CDH4: variants seen among roughly 807,000 people sequenced by gnomAD.
The protein encoded by CDH4 is cadherin-4.
Under a neutral mutation model 86.0 loss-of-function variants are expected in CDH4, and 33 were observed. That is an observed-to-expected ratio of 0.38 (90% CI 0.29 to 0.51). CDH4 has a LOEUF of 0.51. Ranked by LOEUF, CDH4 falls within the 20% of genes least tolerant of loss-of-function variation. The pLI, the probability that CDH4 is intolerant of heterozygous loss-of-function variation, is 0.86. For missense variants in CDH4, 1,114 were observed against 1,307.4 expected (o/e 0.85, Z 2.28); for synonymous variants, 555 against 549.4 (o/e 1.01, Z -0.14).
chr20:61,714,037 T>TG (rs1347380834), intron 2 of CDH4, among the ~76,000 whole-genome samples: 1 of 137,916 alleles, frequency 7.3e-6, no homozygotes, highest in African/African-American at 3.3e-5. Flanking sequence ...TTTTATTTTA[T>TG]TTTATTTTAT....
chr20:61,375,734 T>C (rs1286331654), intron 2 of CDH4, among the ~76,000 whole-genome samples: 1 of 149,236 alleles, frequency 6.7e-6, no homozygotes, highest in East Asian at 2.1e-4. Context: ...GGTAGTGTGA[T>C]GGTCTTGGTG....
At chr20:61,281,757 C>A (rs916700023) in intron 2 of CDH4, among the ~76,000 whole-genome samples, 1 of 152,240 alleles carries the variant, frequency 6.6e-6, no homozygotes, top group African/African-American at 2.4e-5. Flanking sequence ...ACCTCCTCCC[C>A]TGGAGGGGAC....
chr20:61,282,563 G>C (rs117250550), intron 2 of CDH4, among the ~76,000 whole-genome samples: 2,244 of 151,980 alleles, frequency 0.015, 81 homozygotes, highest in East Asian at 0.13. Context: ...GTGTGTGTGT[G>C]TGTGTGTGTA....
At position 61,703,400 on chromosome 20, in the gene CDH4, C is replaced by A. The variant is rs1469582976; in HGVS notation, c.170-40163C>A. On this transcript the variant is annotated intron_variant, in intron 2 of 15. Coordinates refer to ENST00000614565, the MANE Select transcript of CDH4 (RefSeq NM_001794.5). This position sits in a 1 kb window ranked among gnomAD's most constrained non-coding sequence, Gnocchi z 4.3. ...TGATACTCGAGCGTGAATGGAGACA[C>A]TGGCAGCAGGGGCATTTCATAAGGA... Among the ~76,000 whole-genome samples the A allele has an allele frequency of 6.6e-6, 1 of 152,310 alleles. No homozygotes were observed. The highest frequency in any genetic ancestry group is 2.4e-5 in the African/African-American group (1 of 41,564).
At chr20:61,567,292 G>A (rs1436231623) in intron 2 of CDH4, among the ~76,000 whole-genome samples, 1 of 152,204 alleles carries the variant, frequency 6.6e-6, no homozygotes, top group Non-Finnish European at 1.5e-5. Flanking sequence ...TGCTACAACT[G>A]CAGACAGACT....
In CDH4 at chr20:61,881,143, G is replaced by A. The variant is rs79464724; in HGVS notation, c.1050+7243G>A. ...CATGAGTGTCAGCCATGCTGAGCGG[G>A]GTCACAGCAGAGCAGGGTCAGGACA... is the stretch of plus-strand genomic sequence containing the variant. On this transcript the variant is annotated intron_variant, in intron 7 of 15. Coordinates refer to ENST00000614565, the MANE Select transcript of CDH4 (RefSeq NM_001794.5). 5.9e-3 allele frequency among the ~76,000 whole-genome samples: 900 copies of A among 152,302 alleles called. 8 individuals are homozygous for A. The highest frequency in any genetic ancestry group is 0.021 in the African/African-American group (854 of 41,562).
chr20:61,444,827 G>A (rs1278085173), intron 2 of CDH4, among the ~76,000 whole-genome samples: 2 of 151,516 alleles, frequency 1.3e-5, no homozygotes, highest in African/African-American at 4.9e-5. Flanking sequence ...GTGTCTTTGT[G>A]TACATCTGTG....
intron 2 of CDH4, among the ~76,000 whole-genome samples, chr20:61,271,316 A>G (rs1355717082): frequency 6.6e-6 from 1 of 152,184 alleles, no homozygotes. Context: ...GGCTTCCGAA[A>G]TAATTGCTGA....
At chr20:61,849,751 A>C (rs1982627659) in intron 5 of CDH4, among the ~76,000 whole-genome samples, 1 of 152,164 alleles carries the variant, frequency 6.6e-6, no homozygotes, top group African/African-American at 2.4e-5. Flanking sequence ...GGTGCATAGG[A>C]TGCCCGCATG....
Position 61,663,864 on chromosome 20 carries a change from C to G in CDH4, c.170-79699C>G, listed in dbSNP as rs992532319. 6.6e-6 allele frequency among the ~76,000 whole-genome samples: 1 copy of G among 152,292 alleles called. No individual in the cohort carries two copies. Among genetic ancestry groups the G allele is most frequent in the South Asian group, 2.1e-4 (1 of 4,826 alleles). On this transcript the variant is annotated intron_variant, in intron 2 of 15. Transcript: ENST00000614565. The surrounding 1 kb of genome is among the most constrained non-coding windows in gnomAD (Gnocchi z 5.0). ...CTGGGTCTTCCAGCTCCCTCGAGGC[C>G]GCCCTGGCCCTCCACACTCCCACCG...
intron 4 of CDH4, among the ~76,000 whole-genome samples, chr20:61,820,565 C>G (rs1381852924): frequency 1.3e-5 from 2 of 152,264 alleles, no homozygotes; most frequent in African/African-American, 4.8e-5. Context: ...ACTGCACCCG[C>G]TGAGCAGAGG....
chr20:61,559,283 A>T (rs937869072), intron 2 of CDH4, among the ~76,000 whole-genome samples: 1 of 152,104 alleles, frequency 6.6e-6, no homozygotes, highest in Non-Finnish European at 1.5e-5. Context: ...GTGCCACTGC[A>T]CTCCAGCCTG....
intron 2 of CDH4, among the ~76,000 whole-genome samples, chr20:61,259,502 G>T (rs1431940070): frequency 6.6e-6 from 1 of 152,222 alleles, no homozygotes; most frequent in African/African-American, 2.4e-5. Flanking sequence ...ATAAAGTAAT[G>T]AATGAGCCGG....
At chr20:61,262,497 T>TGGC (rs2084133173) in intron 2 of CDH4, among the ~76,000 whole-genome samples, 1 of 152,196 alleles carries the variant, frequency 6.6e-6, no homozygotes, top group Non-Finnish European at 1.5e-5. Flanking sequence ...TGGGACTGCG[T>TGGC]GGCGACTGGG....
At chr20:61,928,113 C>T (rs372317014) in intron 11 of CDH4, 77 bp from the exon 12 acceptor site, 33 of 1,101,962 alleles carry the variant, frequency 3.0e-5, no homozygotes, top group East Asian at 4.7e-5. Context: ...TGTTTGTGTG[C>T]GTGTCCTGTG....
chr20:61,460,008 G>A (rs533916868), intron 2 of CDH4, among the ~76,000 whole-genome samples: 2 of 152,260 alleles, frequency 1.3e-5, no homozygotes, highest in African/African-American at 4.8e-5. Flanking sequence ...AGAGTGATGG[G>A]TTGCTGGGTG....
At chr20:61,685,243 G>C (rs1162461147) in intron 2 of CDH4, among the ~76,000 whole-genome samples, 1 of 152,212 alleles carries the variant, frequency 6.6e-6, no homozygotes, top group African/African-American at 2.4e-5. Flanking sequence ...GTTTGGGTCT[G>C]TTCCTGGGAA....
At chr20:61,519,376 T>G (rs1448439756) in intron 2 of CDH4, among the ~76,000 whole-genome samples, 1 of 152,242 alleles carries the variant, frequency 6.6e-6, no homozygotes, top group Non-Finnish European at 1.5e-5. Context: ...TACCCATGGA[T>G]TCCAGTCTAG....
intron 4 of CDH4, among the ~76,000 whole-genome samples, chr20:61,843,456 C>CAAAAAAAAAAA (rs869283452): frequency 3.4e-5 from 2 of 58,844 alleles, no homozygotes; most frequent in Non-Finnish European, 5.7e-5. Context: ...GACTCCGTCT[C>CAAAAAAAAAAA]AAAAAAAAAA....
Sources: gnomAD v4.1 joint callset for allele counts (sites outside exome capture counted in the v4.1 genomes callset) on GRCh38, gnomAD v4.1.1 for gene constraint, Gnocchi (gnomAD v3.1) non-coding constraint, MANE v1.5 for transcripts, NCBI Gene and HGNC (gene_info 2026-07-23, HGNC 2026-07-21) for gene names.